SPTLC2: variants seen among roughly 807,000 people sequenced by gnomAD.
SPTLC2 encodes the protein serine palmitoyltransferase 2.
A neutral mutation model predicts 62.0 loss-of-function variants in SPTLC2; 21 were observed. The ratio of observed to expected loss-of-function variants is 0.34; its 90% CI spans 0.24 to 0.49. The LOEUF (loss-of-function observed/expected upper bound fraction) is 0.49. SPTLC2 is among the 20% of genes least tolerant of loss of function. SPTLC2 has a pLI of 0.99. For synonymous variants in SPTLC2, 261 were observed against 261.8 expected (o/e 1.00, Z 0.03); for missense variants, 511 against 713.0 (o/e 0.72, Z 3.23).
chr14:77,577,764 G>A (rs2079724774), intron 3 of SPTLC2, among the ~76,000 whole-genome samples: 1 of 152,178 alleles, frequency 6.6e-6, no homozygotes, highest in South Asian at 2.1e-4. Flanking sequence ...GCCGGGTGTG[G>A]TGGCAGGAGC....
At chr14:77,524,635 A>G (rs1009678441) in intron 9 of SPTLC2, among the ~76,000 whole-genome samples, 5 of 152,228 alleles carry the variant, frequency 3.3e-5, no homozygotes, top group African/African-American at 9.6e-5. Context: ...ATGGATAAAG[A>G]AAATGTGGCA....
intron 1 of SPTLC2, among the ~76,000 whole-genome samples, chr14:77,615,220 G>T (rs1335890542): frequency 6.6e-6 from 1 of 152,200 alleles, no homozygotes; most frequent in African/African-American, 2.4e-5. Context: ...TTTGATCTGT[G>T]TATTACTTCG....
At chr14:77,570,846 T>C (rs966394365) in intron 4 of SPTLC2, among the ~76,000 whole-genome samples, 1 of 151,568 alleles carries the variant, frequency 6.6e-6, no homozygotes, top group African/African-American at 2.4e-5. Context: ...ACTTTTGAAG[T>C]CAGCTGCTAT....
In SPTLC2 at chr14:77,506,995, T is replaced by C. The variant is rs1377741975; in HGVS notation, c.*5289A>G. 2 of 152,236 alleles carry C rather than the reference T, an allele frequency of 1.3e-5. No homozygotes were observed. Among genetic ancestry groups the C allele is most frequent in the Non-Finnish European group, 2.9e-5 (2 of 68,052 alleles). 9.4% of individuals were successfully genotyped at this position (152,236 alleles called of 1,614,324 possible). A position where few individuals can be genotyped will look rare whatever the true frequency, so the allele number is the denominator to read the frequency against. The stretch of plus-strand genomic sequence containing the variant: ...AAGAATCACAGTTTAAGGCCATTTA[T>C]CATGTGCACTATGTAGTAAACAAAA... On this transcript the variant is annotated 3_prime_UTR_variant, in exon 12 of 12. Coordinates refer to ENST00000216484, the MANE Select transcript of SPTLC2 (RefSeq NM_004863.4).
chr14:77,569,485 T>C (rs533357801), intron 5 of SPTLC2, among the ~76,000 whole-genome samples: 11 of 152,220 alleles, frequency 7.2e-5, no homozygotes, highest in African/African-American at 2.6e-4. Flanking sequence ...CACCTCATTT[T>C]ACAAAAGAAA....
At chr14:77,583,947 T>C (rs940664299) in intron 2 of SPTLC2, among the ~76,000 whole-genome samples, 4 of 152,138 alleles carry the variant, frequency 2.6e-5, no homozygotes, top group African/African-American at 9.7e-5. Flanking sequence ...TCCTAGCACA[T>C]GTAAGGAGAG....
chr14:77,607,185 CACAT>C (rs969715911), intron 1 of SPTLC2, among the ~76,000 whole-genome samples: 4 of 152,044 alleles, frequency 2.6e-5, no homozygotes, highest in African/African-American at 7.2e-5. Flanking sequence ...AGACGAAAAA[CACAT>C]ACAAAGTAAT....
chr14:77,553,101 G>A (rs2079564101), intron 8 of SPTLC2, among the ~76,000 whole-genome samples: 1 of 152,080 alleles, frequency 6.6e-6, no homozygotes, highest in African/African-American at 2.4e-5. Context: ...ACTGAATAAA[G>A]TAAAACTCTG....
At chr14:77,614,195 T>TG (rs2079952504) in intron 1 of SPTLC2, among the ~76,000 whole-genome samples, 1 of 152,220 alleles carries the variant, frequency 6.6e-6, no homozygotes, top group African/African-American at 2.4e-5. Context: ...CCTTATTAGT[T>TG]GGCAAGCTCT....
intron 5 of SPTLC2, among the ~76,000 whole-genome samples, chr14:77,567,051 A>G (rs796280202): frequency 2.4e-4 from 36 of 151,592 alleles, no homozygotes; most frequent in African/African-American, 8.2e-4. Context: ...GCTCACTGCC[A>G]GCTCCGCCTC....
At chr14:77,519,555 A>G (rs1301933683) in intron 10 of SPTLC2, among the ~76,000 whole-genome samples, 2 of 151,922 alleles carry the variant, frequency 1.3e-5, no homozygotes, top group East Asian at 3.9e-4. Flanking sequence ...CATCTCCACT[A>G]AAAAATACAA....
In SPTLC2 at chr14:77,508,125, C is replaced by T. The variant is rs1164129429; in HGVS notation, c.*4159G>A. 6.6e-6 allele frequency: 1 copy of T among 152,258 alleles called. No individual in the cohort carries two copies. The highest frequency in any genetic ancestry group is 2.4e-5 in the African/African-American group (1 of 41,428). 9.4% of individuals were successfully genotyped at this position (152,258 alleles called of 1,614,324 possible). A position where few individuals can be genotyped will look rare whatever the true frequency, so the allele number is the denominator to read the frequency against. On this transcript the variant is annotated 3_prime_UTR_variant, in exon 12 of 12. Transcript: ENST00000216484. ...CTCACTGCAGCCTTGACCTCCCAGG[C>T]TCAAGTGATTCTCCCACACAGGTGG...
intron 1 of SPTLC2, among the ~76,000 whole-genome samples, chr14:77,612,087 G>T (rs185968851): frequency 3.3e-5 from 5 of 152,232 alleles, no homozygotes; most frequent in African/African-American, 1.2e-4. Flanking sequence ...AAACTACCCA[G>T]AAGGGAACTG....
intron 1 of SPTLC2, among the ~76,000 whole-genome samples, chr14:77,598,695 G>A (rs776566392): frequency 6.6e-5 from 10 of 152,274 alleles, no homozygotes; most frequent in South Asian, 4.1e-4. Flanking sequence ...ACTTTGGGAG[G>A]CCAAGGTGGG....
intron 11 of SPTLC2, among the ~76,000 whole-genome samples, chr14:77,517,241 C>T (rs984661319): frequency 6.6e-6 from 1 of 151,650 alleles, no homozygotes; most frequent in Non-Finnish European, 1.5e-5. Flanking sequence ...AAAACTCTCT[C>T]TCAAAAAAGA....
intron 9 of SPTLC2, 84 bp downstream of exon 9, chr14:77,552,012 T>C: frequency 6.4e-7 from 1 of 1,568,672 alleles, no homozygotes; most frequent in South Asian, 1.2e-5. Context: ...CCTGACTATT[T>C]ATTTTAGGAA....
At chr14:77,593,627 T>C (rs1468321543) in intron 2 of SPTLC2, among the ~76,000 whole-genome samples, 1 of 152,220 alleles carries the variant, frequency 6.6e-6, no homozygotes, top group Non-Finnish European at 1.5e-5. Context: ...ATTGGTATGA[T>C]CATGTGATTT....
intron 9 of SPTLC2, among the ~76,000 whole-genome samples, chr14:77,537,429 C>A (rs1336684202): frequency 6.6e-6 from 1 of 152,096 alleles, no homozygotes; most frequent in African/African-American, 2.4e-5. Flanking sequence ...GTTGCCAGAA[C>A]AAACTGCAAA....
chr14:77,506,699 T>C lies in SPTLC2; in HGVS notation c.*5585A>G, dbSNP rs974497618. The C allele has an allele frequency of 6.6e-6, 1 of 152,248 alleles. No individual in the cohort carries two copies. Among genetic ancestry groups the C allele is most frequent in the Non-Finnish European group, 1.5e-5 (1 of 68,064 alleles). The allele number at this position is 152,248 out of a possible 1,614,324, so 9.4% of individuals were successfully genotyped here. A position where few individuals can be genotyped will look rare whatever the true frequency, so the allele number is the denominator to read the frequency against. On this transcript the variant is annotated 3_prime_UTR_variant, in exon 12 of 12. Coordinates refer to ENST00000216484, the MANE Select transcript of SPTLC2 (RefSeq NM_004863.4). ...ATGACCAAGCTTTGCAAAAGAAACC[T>C]GGGAAGAGCGTTGGAAAAAGCAGAC...
Sources: allele counts gnomAD v4.1 joint callset (sites outside exome capture counted in the v4.1 genomes callset), GRCh38; gene constraint gnomAD v4.1.1; transcripts MANE v1.5; gene names NCBI Gene and HGNC (gene_info 2026-07-23, HGNC 2026-07-21).